UBR4: variants seen among roughly 807,000 people sequenced by gnomAD.
The protein encoded by UBR4 is ubiquitin protein ligase E3 component n-recognin 4, also known as E3 ubiquitin-protein ligase UBR4.
Under a neutral mutation model 575.6 loss-of-function variants are expected in UBR4, and 124 were observed. That is an observed-to-expected ratio of 0.22 (90% CI 0.19 to 0.25). The LOEUF is 0.25. Among genes scored for constraint, UBR4 ranks in the 10% least tolerant of loss-of-function variants. The pLI is 1.00. For synonymous variants in UBR4, 2,455 were observed against 2,473.7 expected (o/e 0.99, Z 0.22); for missense variants, 4,818 against 6,478.8 (o/e 0.74, Z 8.80).
At chr1:19,119,026 C>A in intron 70 of UBR4, 69 bp from the exon 71 acceptor site, 2 of 1,440,138 alleles carry the variant, frequency 1.4e-6, no homozygotes, top group South Asian at 2.3e-5. Flanking sequence ...AGACTTTTGT[C>A]TTCTGCATTC....
At position 19,156,349 on chromosome 1, in the gene UBR4, C is replaced by T. The variant is rs146543333; in HGVS notation, c.5994G>A (p.Thr1998=). 6.8e-6 allele frequency: 11 copies of T among 1,614,210 alleles called. No homozygotes were observed. The highest frequency in any genetic ancestry group is 2.2e-5 in the East Asian group (1 of 44,872). Residue 1998 remains threonine (T), a synonymous_variant, in exon 42 of 106, where the codon ACG becomes ACA. Coordinates refer to ENST00000375254, the MANE Select transcript of UBR4 (RefSeq NM_020765.3). ...DHLVLHPQLA[T]GNFIIKAVWL... is the part of the protein sequence containing the mutation. ...ACACGGCTTTGATGATGAAGTTCCCCGTTGCCAACTGAGGGTGCAAAACCA... is the reference window on the plus strand; with the variant it reads ...ACACGGCTTTGATGATGAAGTTCCCTGTTGCCAACTGAGGGTGCAAAACCA...
In UBR4 at chr1:19,183,834, C is replaced by A; in HGVS notation, c.2161G>T (p.Asp721Tyr). 6.2e-7 allele frequency: 1 copy of A among 1,614,152 alleles called. No homozygotes were observed. Among genetic ancestry groups the A allele is most frequent in the South Asian group, 1.1e-5 (1 of 91,042 alleles). ...YHFNHSLVTS[D>Y]LQSPNLQNTL... ...ACCTGCAGGTTAGGTGACTGAAGGT[C>A]AGAGGTTACCAGTGAGTGGTTGAAG... The change falls in exon 17 of 106, where the codon GAC (aspartate) becomes TAC (tyrosine). Residue 721 changes from aspartate (D) to tyrosine (Y), a missense_variant. Physicochemically the swap from Asp to Tyr is radical, Grantham distance 160. Transcript: ENST00000375254.
chr1:19,178,049 T>C (rs1369399891), intron 18 of UBR4, among the ~76,000 whole-genome samples: 1 of 152,126 alleles, frequency 6.6e-6, no homozygotes, highest in Non-Finnish European at 1.5e-5. Flanking sequence ...TTTGTGGCCA[T>C]GAAAAGTACT....
intron 43 of UBR4, 69 bp from the exon 44 acceptor site, chr1:19,155,144 G>A (rs2086271011): frequency 1.3e-6 from 2 of 1,588,178 alleles, no homozygotes; most frequent in South Asian, 1.1e-5. Context: ...GGTTTATACT[G>A]GTTATTATTT....
rs1242178634 is a variant in UBR4 at position 19,151,740 on chromosome 1, G to A, written c.7116C>T (p.Gly2372=). 8.1e-6 allele frequency: 13 copies of A among 1,614,088 alleles called. No individual in the cohort carries two copies. The highest frequency in any genetic ancestry group is 1.0e-5 in the Non-Finnish European group (12 of 1,180,036). The change falls in exon 48 of 106, where the codon GGC becomes GGT. Residue 2372 remains glycine, a synonymous_variant. Transcript: ENST00000375254. Reference sequence around the variant, plus strand: ...GACTCAGGTTGAGCTGCATAGTTCTGCCGAAGATCTCGATATATGACGGGG... The same window carrying A: ...GACTCAGGTTGAGCTGCATAGTTCTACCGAAGATCTCGATATATGACGGGG... The part of the protein sequence containing the change: ...ERAPSYIEIF[G]RTMQLNLSRS...
intron 90 of UBR4, among the ~76,000 whole-genome samples, chr1:19,097,965 G>A (rs543251838): frequency 6.6e-6 from 1 of 152,292 alleles, no homozygotes; most frequent in African/African-American, 2.4e-5. Context: ...TCACTAAATT[G>A]GAGAATAAGG....
chr1:19,208,336 A>G (rs1239643440), intron 1 of UBR4, among the ~76,000 whole-genome samples: 1 of 151,982 alleles, frequency 6.6e-6, no homozygotes, highest in Non-Finnish European at 1.5e-5. Flanking sequence ...GCGTGGTGGC[A>G]GGCACCTGTA....
In UBR4 at chr1:19,179,208, G is replaced by A. The variant is rs769688715; in HGVS notation, c.2197C>T (p.Gln733Ter). The A allele has an allele frequency of 6.3e-7, 1 of 1,578,282 alleles. No homozygotes were observed. Among genetic ancestry groups the A allele is most frequent in the Non-Finnish European group, 8.5e-7 (1 of 1,169,832 alleles). ...GAAAAAGGAGCCACTCCTAGCTGCT[G>A]CAACAGTGTGTTCTGACAAGAAAGA... Reference protein sequence around the residue: ...QSPNLQNTLLQQLGVAPFSEG... With the variant: ...QSPNLQNTLL The change falls in exon 18 of 106, where the codon CAG becomes TAG. Residue 733 changes from glutamine to a stop codon, truncating the protein, a stop_gained. Coordinates refer to ENST00000375254, the MANE Select transcript of UBR4 (RefSeq NM_020765.3). LOFTEE classifies it high-confidence loss of function.
rs1344704337 is a variant in UBR4, at chr1:19,167,023, T to G, written c.4108A>C (p.Ser1370Arg). ...CTGACTGTTCTCCATCAGGCTCACC[T>G]GTTAGGATCTGCATGATTGGCCAGA... Reference protein sequence around the residue: ...NILANHADPNSGLDESILEEC... With the variant: ...NILANHADPNRGLDESILEEC... The change falls in exon 29 of 106, where the codon AGT becomes CGT. Residue 1370 changes from serine (S) to arginine (R), a missense_variant and splice_region_variant. Transcript: ENST00000375254. 6.2e-7 allele frequency: 1 copy of G among 1,614,232 alleles called. No individual in the cohort carries two copies. Among genetic ancestry groups the G allele is most frequent in the Non-Finnish European group, 8.5e-7 (1 of 1,180,036 alleles).
chr1:19,087,898 G>A lies in UBR4; in HGVS notation c.14462C>T (p.Thr4821Ile). 1.2e-6 allele frequency: 2 copies of A among 1,609,540 alleles called. No homozygotes were observed. The highest frequency in any genetic ancestry group is 1.7e-6 in the Non-Finnish European group (2 of 1,177,428). ...CTCTTCCATCTGCTTCAGGAGTGCTGTCTTGGTCACGACCTGGCCCTTTTC... is the reference window on the plus strand; with the variant it reads ...CTCTTCCATCTGCTTCAGGAGTGCTATCTTGGTCACGACCTGGCCCTTTTC... ...TNEKGQVVTK[T>I]ALLKQMEELI... Residue 4821 changes from threonine to isoleucine, a missense_variant, in exon 99 of 106, where the codon ACA (threonine) becomes ATA (isoleucine). Coordinates refer to ENST00000375254, the MANE Select transcript of UBR4 (RefSeq NM_020765.3).
intron 15 of UBR4, among the ~76,000 whole-genome samples, 179 bp downstream of exon 15, chr1:19,184,920 C>A (rs1002183973): frequency 6.6e-6 from 1 of 152,156 alleles, no homozygotes; most frequent in African/African-American, 2.4e-5. Context: ...AGCAGAGAAA[C>A]AGTAACAGTC....
intron 55 of UBR4, among the ~76,000 whole-genome samples, chr1:19,142,175 A>G (rs2084020464): frequency 6.6e-6 from 1 of 152,220 alleles, no homozygotes; most frequent in South Asian, 2.1e-4. Context: ...GTCATGGCAG[A>G]TTAGAATTTA....
At chr1:19,075,901 T>TA (rs2075887524) in intron 105 of UBR4, among the ~76,000 whole-genome samples, 1 of 152,116 alleles carries the variant, frequency 6.6e-6, no homozygotes, top group Non-Finnish European at 1.5e-5. Context: ...ACGAATGCCA[T>TA]AAAAAAATGA....
rs1480937049 is a variant in UBR4, at chr1:19,114,928, C to T, written c.11085G>A (p.Lys3695=). The change falls in exon 75 of 106, where the codon AAG becomes AAA. Residue 3695 remains lysine (K), a synonymous_variant. Transcript: ENST00000375254. ...HKCRSINYDE[K]DPFLCNACGF... ...CACAGGCATTGCAGAGGAAGGGATCCTTTTCATCGTAGTTGATGGATCTGA... is the reference window on the plus strand; with the variant it reads ...CACAGGCATTGCAGAGGAAGGGATCTTTTTCATCGTAGTTGATGGATCTGA... The T allele has an allele frequency of 1.2e-6, 2 of 1,614,190 alleles. No homozygotes were observed. Among genetic ancestry groups the T allele is most frequent in the East Asian group, 2.2e-5 (1 of 44,888 alleles).
intron 1 of UBR4, 140 bp downstream of exon 1, chr1:19,209,933 G>A (rs957634717): frequency 1.5e-6 from 2 of 1,333,118 alleles, no homozygotes; most frequent in Non-Finnish European, 1.9e-6. Context: ...CAGTCTCCCC[G>A]GGCCCGGGAC....
At chr1:19,104,005 T>C in intron 87 of UBR4, 79 bp downstream of exon 87, 1 of 1,522,468 alleles carries the variant, frequency 6.6e-7, no homozygotes, top group Non-Finnish European at 8.9e-7. Flanking sequence ...TCTGTGGAAC[T>C]GGGGGAAATT....
rs567055792 is a variant in UBR4 at position 19,100,757 on chromosome 1, C to T, written c.13024-184G>A. The stretch of plus-strand genomic sequence containing the variant: ...AAAAATCTAAACAAACTCAAGTAGA[C>T]TAAAATATCAAGCATCTACCCTGAA... On this transcript the variant is annotated intron_variant, in intron 88 of 105. Transcript: ENST00000375254. This position sits in a 1 kb window ranked among gnomAD's most constrained non-coding sequence, Gnocchi z 4.2. Among the ~76,000 whole-genome samples, 2 of 151,948 alleles carry T rather than the reference C, an allele frequency of 1.3e-5. No homozygotes were observed. Among genetic ancestry groups the T allele is most frequent in the African/African-American group, 4.8e-5 (2 of 41,430 alleles).
chr1:19,193,776 C>A (rs1199840375), intron 8 of UBR4, among the ~76,000 whole-genome samples: 3 of 152,134 alleles, frequency 2.0e-5, no homozygotes, highest in Non-Finnish European at 2.9e-5. Flanking sequence ...CGCGCACACA[C>A]ACACACACTA....
chr1:19,144,877 G>A lies in UBR4; in HGVS notation c.7976C>T (p.Ala2659Val). ...GTAGCCATGGATGATGTCCACCAGA[G>A]CATTGACAGTAGCTTCAATATGAGT... ...GLTHIEATVN[A>V]LVDIIHGYCT... is the part of the protein sequence containing the mutation. The change falls in exon 54 of 106, where the codon GCT (alanine) becomes GTT (valine). Residue 2659 changes from alanine to valine, a missense_variant. Ala to Val is a moderately conservative substitution (Grantham distance 64, BLOSUM62 0). Around this residue, in one of 29 missense-constraint regions of UBR4, gnomAD observed 340 missense variants for 375.4 expected, o/e 0.91. Transcript: ENST00000375254. 6.2e-7 allele frequency: 1 copy of A among 1,614,076 alleles called. No individual in the cohort carries two copies.
Sources: gnomAD v4.1 joint callset for allele counts (sites outside exome capture counted in the v4.1 genomes callset) on GRCh38, gnomAD v4.1.1 for gene constraint, gnomAD v4.1.1 regional missense constraint, Gnocchi (gnomAD v3.1) non-coding constraint, MANE v1.5 for transcripts, NCBI Gene and HGNC (gene_info 2026-07-23, HGNC 2026-07-21) for gene names.